Variants in TRPC6 observed in about 807,000 individuals in gnomAD.
TRPC6 encodes the protein short transient receptor potential channel 6.
Under a neutral mutation model 90.7 loss-of-function variants are expected in TRPC6, and 55 were observed. The observed-to-expected ratio is 0.61, with a 90% CI of 0.49 to 0.76. The LOEUF (loss-of-function observed/expected upper bound fraction) is 0.76, where lower values mean the gene tolerates loss of function less well. Among genes scored for constraint, TRPC6 ranks in the 30% least tolerant of loss-of-function variants. The pLI is 0.00. For synonymous variants in TRPC6, 393 were observed against 393.0 expected, an observed-to-expected ratio of 1.00 and a Z score of 0.00; for missense variants, 989 against 1,122.7, an observed-to-expected ratio of 0.88 and a Z score of 1.70.
At chr11:101,509,532 T>G (rs964666732) in intron 1 of TRPC6, among the ~76,000 whole-genome samples, 2 of 152,212 alleles carry the variant, frequency 1.3e-5, no homozygotes, top group African/African-American at 4.8e-5. Context: ...ATGTCTGAGT[T>G]GTGACATCTT....
At chr11:101,468,083 G>A (rs1331939987) in intron 10 of TRPC6, among the ~76,000 whole-genome samples, 2 of 152,180 alleles carry the variant, frequency 1.3e-5, no homozygotes, top group Non-Finnish European at 2.9e-5. Flanking sequence ...GACCAGGGAC[G>A]ATTTCCACTT....
At chr11:101,544,555 A>G (rs1194943171) in intron 1 of TRPC6, among the ~76,000 whole-genome samples, 2 of 152,206 alleles carry the variant, frequency 1.3e-5, no homozygotes, top group Admixed American at 1.3e-4. Context: ...CAGCCATAAA[A>G]AAGGATGAGT....
At chr11:101,550,433 A>T (rs1861425467) in intron 1 of TRPC6, among the ~76,000 whole-genome samples, 1 of 151,718 alleles carries the variant, frequency 6.6e-6, no homozygotes, top group Admixed American at 6.6e-5. Context: ...TAGAGTGCAG[A>T]TTTATTGATA....
chr11:101,569,752 C>A (rs1464798051), intron 1 of TRPC6, among the ~76,000 whole-genome samples: 1 of 152,118 alleles, frequency 6.6e-6, no homozygotes, highest in Non-Finnish European at 1.5e-5. Flanking sequence ...AACTGAACAA[C>A]CTGCTCCTGA....
intron 2 of TRPC6, 98 bp from the exon 3 acceptor site, chr11:101,491,836 CTTTTTTTTTT>C (rs71056611): frequency 6.8e-6 from 3 of 441,256 alleles, no homozygotes; most frequent in African/African-American, 3.6e-5. Flanking sequence ...GAGAAACATT[CTTTTTTTTTT>C]TTTTTTTTTT....
At chr11:101,472,396 T>A in intron 7 of TRPC6, 64 bp from the exon 8 acceptor site, 2 of 1,481,476 alleles carry the variant, frequency 1.3e-6, no homozygotes, top group South Asian at 1.2e-5. Flanking sequence ...AATATTACCA[T>A]AATAAAAGTG....
intron 1 of TRPC6, among the ~76,000 whole-genome samples, chr11:101,526,861 CAAAAAAAAAAAAAAAAAAAAAA>C (rs573864895): frequency 6.1e-4 from 22 of 36,126 alleles, no homozygotes; most frequent in Admixed American, 5.3e-3. Flanking sequence ...GAGACTGTCT[CAAAAAAAAAAAAAAAAAAAAAA>C]AAAAAAAAAA....
chr11:101,514,389 G>C (rs987082932), intron 1 of TRPC6, among the ~76,000 whole-genome samples: 1 of 152,182 alleles, frequency 6.6e-6, no homozygotes, highest in African/African-American at 2.4e-5. Flanking sequence ...GAAGGTCAGG[G>C]AAAGCCTTCT....
At chr11:101,492,390 C>G (rs2136709580) in intron 2 of TRPC6, among the ~76,000 whole-genome samples, 1 of 152,192 alleles carries the variant, frequency 6.6e-6, no homozygotes, top group South Asian at 2.1e-4. Context: ...TGGAGACCAG[C>G]CTGAGCAACA....
intron 10 of TRPC6, among the ~76,000 whole-genome samples, chr11:101,467,622 A>G (rs1026055948): frequency 6.6e-6 from 1 of 152,162 alleles, no homozygotes; most frequent in Non-Finnish European, 1.5e-5. Flanking sequence ...CGTGTTTCCT[A>G]TGTATTCTAT....
chr11:101,542,707 TC>T (rs1044043615), intron 1 of TRPC6, among the ~76,000 whole-genome samples: 1 of 151,930 alleles, frequency 6.6e-6, no homozygotes, highest in African/African-American at 2.4e-5. Context: ...ACAAATTCTA[TC>T]TTTATAGCTA....
rs573864895 is a variant in TRPC6 at position 101,526,861 on chromosome 11, C to CAAAAAA, written c.171-22069_171-22064dup. Among the ~76,000 whole-genome samples the CAAAAAA allele has an allele frequency of 2.8e-4, 10 of 36,120 alleles. 1 individual carries two copies. The highest frequency in any genetic ancestry group is 7.2e-4 in the African/African-American group (6 of 8,372). The allele number at this position is 36,120 out of a possible 152,430, so 23.7% of individuals were successfully genotyped here. A position where few individuals can be genotyped will look rare whatever the true frequency, so the allele number is the denominator to read the frequency against. Reference sequence around the variant, plus strand: ...CCTGGGTGACAGAAGGAGACTGTCTCAAAAAAAAAAAAAAAAAAAAAAAAA... The same window carrying CAAAAAA: ...CCTGGGTGACAGAAGGAGACTGTCTCAAAAAAAAAAAAAAAAAAAAAAAAAAAAAAA... On this transcript the variant is annotated intron_variant, in intron 1 of 12. Transcript: ENST00000344327.
At chr11:101,502,341 T>C (rs111608338) in intron 2 of TRPC6, among the ~76,000 whole-genome samples, 66 of 152,340 alleles carry the variant, frequency 4.3e-4, no homozygotes, top group African/African-American at 1.5e-3. Flanking sequence ...CATTGGATTA[T>C]AAACCAATTG....
chr11:101,581,641 A>G (rs1366401430), intron 1 of TRPC6, among the ~76,000 whole-genome samples: 2 of 152,214 alleles, frequency 1.3e-5, no homozygotes, highest in African/African-American at 4.8e-5. Context: ...TAAAAATTCC[A>G]TCTATGTCTT....
chr11:101,553,747 C>T (rs747444718), intron 1 of TRPC6, among the ~76,000 whole-genome samples: 2 of 152,006 alleles, frequency 1.3e-5, no homozygotes, highest in Admixed American at 6.6e-5. Context: ...CTATTTTATT[C>T]ACATCTCTTT....
intron 10 of TRPC6, among the ~76,000 whole-genome samples, chr11:101,455,747 A>AT (rs1216189393): frequency 1.3e-5 from 2 of 152,172 alleles, no homozygotes; most frequent in African/African-American, 4.8e-5. Flanking sequence ...TCTTTAATGC[A>AT]TTTTCTGAAT....
rs774569094 is a variant in TRPC6 at position 101,472,121 on chromosome 11, T to C, written c.2205+16A>G. 1.2e-6 allele frequency: 2 copies of C among 1,608,466 alleles called. No individual in the cohort carries two copies. The highest frequency in any genetic ancestry group is 1.1e-5 in the South Asian group (1 of 90,818). On this transcript the variant is annotated intron_variant, in intron 8 of 12. Transcript: ENST00000344327. ...AACATGAAGGCACAAATTATAAAAA[T>C]GTATTGAGATTATACCTCAATTTCC...
At chr11:101,546,797 T>C (rs928263820) in intron 1 of TRPC6, among the ~76,000 whole-genome samples, 16 of 152,298 alleles carry the variant, frequency 1.1e-4, no homozygotes, top group African/African-American at 3.8e-4. Context: ...ACAAAGACTG[T>C]ATACATATAA....
At chr11:101,570,146 A>C (rs35129840) in intron 1 of TRPC6, among the ~76,000 whole-genome samples, 2 of 152,208 alleles carry the variant, frequency 1.3e-5, no homozygotes, top group South Asian at 2.1e-4. Flanking sequence ...AAAGAAGAAA[A>C]GAGAGAAGAA....
Sources: allele counts gnomAD v4.1 joint callset (sites outside exome capture counted in the v4.1 genomes callset), GRCh38; gene constraint gnomAD v4.1.1; transcripts MANE v1.5; gene names NCBI Gene and HGNC (gene_info 2026-07-23, HGNC 2026-07-21).